FAM234A: variants seen among roughly 807,000 people sequenced by gnomAD.
The protein encoded by FAM234A is family with sequence similarity 234 member A.
In FAM234A, 42 loss-of-function variants were observed where a neutral mutation model predicts 49.1. The ratio of observed to expected loss-of-function variants is 0.86; its 90% CI spans 0.67 to 1.11. The LOEUF is 1.11. Among genes scored for constraint, FAM234A ranks in the 50% least tolerant of loss-of-function variants. FAM234A has a pLI of 0.00. For missense variants in FAM234A, 815 were observed against 745.2 expected, an observed-to-expected ratio of 1.09 and a Z score of -1.09; for synonymous variants, 369 against 316.2, an observed-to-expected ratio of 1.17 and a Z score of -1.77.
At chr16:256,306 A>G (rs1361118207) in intron 3 of FAM234A, among the ~76,000 whole-genome samples, 4 of 152,084 alleles carry the variant, frequency 2.6e-5, no homozygotes, top group Non-Finnish European at 4.4e-5. Context: ...CGACTGCACC[A>G]TTTGACTATT....
At chr16:262,344 C>T in intron 7 of FAM234A, 80 bp from the exon 8 acceptor site, 1 of 1,559,894 alleles carries the variant, frequency 6.4e-7, no homozygotes, top group Non-Finnish European at 8.7e-7. Context: ...AGGGGCCTGG[C>T]TCCATGTGGC....
chr16:244,125 C>G (rs936055076), intron 1 of FAM234A, among the ~76,000 whole-genome samples: 1 of 152,088 alleles, frequency 6.6e-6, no homozygotes, highest in Non-Finnish European at 1.5e-5. Context: ...CCCGCCACCA[C>G]GCCCGGCTAA....
At position 254,386 on chromosome 16, in the gene FAM234A, A is replaced by G; in HGVS notation, c.-28A>G. On this transcript the variant is annotated 5_prime_UTR_variant, in exon 3 of 13. Coordinates refer to ENST00000399932, the MANE Select transcript of FAM234A (RefSeq NM_032039.4). ...CTCTTGCTTTATCGACACAGTGACCAGGAGTTAAACTTTGGGATGTGCCCG... is the reference window on the plus strand; with the variant it reads ...CTCTTGCTTTATCGACACAGTGACCGGGAGTTAAACTTTGGGATGTGCCCG... 1 of 1,611,208 alleles carries G rather than the reference A, an allele frequency of 6.2e-7. No individual in the cohort carries two copies.
At chr16:255,442 C>T (rs1048666844) in intron 3 of FAM234A, among the ~76,000 whole-genome samples, 9 of 152,276 alleles carry the variant, frequency 5.9e-5, no homozygotes, top group Non-Finnish European at 1.3e-4. Flanking sequence ...GGCGTGGTGG[C>T]ATGCAGCTGT....
rs768915747 is a variant in FAM234A at position 263,304 on chromosome 16, C to T, written c.1014C>T (p.Ala338=). 67 of 1,613,170 alleles carry T rather than the reference C, an allele frequency of 4.2e-5. No homozygotes were observed. In the Middle Eastern group the frequency reaches 1.3e-3, roughly 32 times the overall value. The change falls in exon 9 of 13, where the codon GCC becomes GCT. Residue 338 remains alanine (A), a synonymous_variant. Coordinates refer to ENST00000399932, the MANE Select transcript of FAM234A (RefSeq NM_032039.4). ...ACCTGATGCATGTCCCAGGGAACGC[C>T]GGTGCAGATGTGCTTCTTGTGGGCT... is the stretch of plus-strand genomic sequence containing the variant. The part of the protein sequence containing the change: ...VRYLMHVPGN[A]GADVLLVGSE...
Position 264,902 on chromosome 16 carries a change from G to A in FAM234A, c.1539G>A (p.Lys513=). 1 of 1,613,022 alleles carries A rather than the reference G, an allele frequency of 6.2e-7. No individual in the cohort carries two copies. Among genetic ancestry groups the A allele is most frequent in the South Asian group, 1.1e-5 (1 of 91,080 alleles). ...CACCCGGCCTGGTCTCTGTGATCAA[G>A]CACAAGGTGCGGGACCTTGTCCCAA... is the stretch of plus-strand genomic sequence containing the variant. ...SEAPGLVSVI[K]HKVRDLVPSS... is the part of the protein sequence containing the mutation. Residue 513 remains lysine, a synonymous_variant, in exon 13 of 13, where the codon AAG becomes AAA. Transcript: ENST00000399932.
chr16:263,616 G>T, intron 9 of FAM234A, 84 bp from the exon 10 acceptor site: 1 of 1,310,218 alleles, frequency 7.6e-7, no homozygotes. Flanking sequence ...GGGAGACTGA[G>T]GGGCGGACGT....
chr16:256,874 C>T (rs2051254568), intron 3 of FAM234A, among the ~76,000 whole-genome samples: 1 of 151,986 alleles, frequency 6.6e-6, no homozygotes, highest in Admixed American at 6.6e-5. Flanking sequence ...TCCCGAGTAG[C>T]TGAAACTACA....
rs2051640227 is a variant in FAM234A, at chr16:264,955, G to C, written c.1592G>C (p.Gly531Ala). ...AGCAGGGTGGTCCGCCTGGGTGAGGGTGGGCCAGACAGTGACCAAGCCATC... is the reference window on the plus strand; with the variant it reads ...AGCAGGGTGGTCCGCCTGGGTGAGGCTGGGCCAGACAGTGACCAAGCCATC... Reference protein sequence around the residue: ...PSSRVVRLGEGGPDSDQAIRD... With the variant: ...PSSRVVRLGEAGPDSDQAIRD... Residue 531 changes from glycine (G) to alanine (A), a missense_variant, in exon 13 of 13, where the codon GGT becomes GCT. Transcript: ENST00000399932. 1 of 1,612,786 alleles carries C rather than the reference G, an allele frequency of 6.2e-7. No homozygotes were observed. Among genetic ancestry groups the C allele is most frequent in the South Asian group, 1.1e-5 (1 of 91,050 alleles).
chr16:243,193 G>T (rs533481477), intron 1 of FAM234A, among the ~76,000 whole-genome samples: 1 of 151,664 alleles, frequency 6.6e-6, no homozygotes, highest in Non-Finnish European at 1.5e-5. Context: ...TGCCCAGACT[G>T]GTCTCGAACA....
chr16:264,641 T>C lies in FAM234A; in HGVS notation c.1372T>C (p.Tyr458His). 1 of 1,611,614 alleles carries C rather than the reference T, an allele frequency of 6.2e-7. No homozygotes were observed. The highest frequency in any genetic ancestry group is 8.5e-7 in the Non-Finnish European group (1 of 1,179,858). The change falls in exon 12 of 13, where the codon TAC (tyrosine) becomes CAC (histidine). Residue 458 changes from tyrosine to histidine, a missense_variant. Tyr to His is a moderately conservative substitution (Grantham distance 83). Transcript: ENST00000399932. ...TETGEARHSL[Y>H]MFHPTLPRVL... ...GACCGGGGAGGCCCGGCACAGCCTG[T>C]ACATGTTCCACCCCACCCTGCCGCG...
chr16:239,475 C>G (rs563442232), intron 1 of FAM234A, among the ~76,000 whole-genome samples: 117 of 149,700 alleles, frequency 7.8e-4, no homozygotes, highest in African/African-American at 2.4e-3. Context: ...ACTAGTCGGA[C>G]GTGGTGGCGG....
In FAM234A at chr16:262,474, G is replaced by C; in HGVS notation, c.892G>C (p.Gly298Arg). The C allele has an allele frequency of 6.2e-7, 1 of 1,612,122 alleles. No individual in the cohort carries two copies. The highest frequency in any genetic ancestry group is 8.5e-7 in the Non-Finnish European group (1 of 1,179,154). ...SVKGLYEKVT[G>R]SGGPFKSDPH... ...GAAGGGTCTCTACGAGAAGGTGACC[G>C]GGAGCGGCGGCCCGTTCAAGAGTGA... The change falls in exon 8 of 13, where the codon GGG becomes CGG. Residue 298 changes from glycine (G) to arginine (R), a missense_variant. By Grantham distance (125) the Gly-to-Arg change is moderately radical. Transcript: ENST00000399932.
downstream of FAM234A, among the ~76,000 whole-genome samples, chr16:267,366 A>G (rs985022690): frequency 1.3e-5 from 2 of 152,040 alleles, no homozygotes; most frequent in African/African-American, 4.8e-5. Flanking sequence ...TGAGAGGGTC[A>G]AGTCCCTCCT....
At chr16:247,437 G>T (rs1020248438) in intron 1 of FAM234A, among the ~76,000 whole-genome samples, 3 of 151,374 alleles carry the variant, frequency 2.0e-5, no homozygotes, top group Non-Finnish European at 4.4e-5. Flanking sequence ...CCTTATTAAT[G>T]ATTTTTTTTT....
At chr16:260,841 G>A (rs1056746898) in intron 5 of FAM234A, 4 of 364,226 alleles carry the variant, frequency 1.1e-5, no homozygotes, top group Non-Finnish European at 1.7e-5. Context: ...GAGATTGTAT[G>A]TGCGTAAGGA....
rs1047866197 is a variant in FAM234A at position 265,171 on chromosome 16, T to A, written c.*149T>A. 90 of 1,427,260 alleles carry A rather than the reference T, an allele frequency of 6.3e-5. No homozygotes were observed. Among genetic ancestry groups the A allele is most frequent in the Non-Finnish European group, 7.8e-5 (85 of 1,094,400 alleles). The allele number at this position is 1,427,260 out of a possible 1,614,324, so 88.4% of individuals were successfully genotyped here. On this transcript the variant is annotated 3_prime_UTR_variant, in exon 13 of 13. Transcript: ENST00000399932. ...TGGGCAGCAGCAGCCTTACCAGTCC[T>A]CCATGATCACACCCAGGGACCTGCA... is the stretch of plus-strand genomic sequence containing the variant.
chr16:261,290 C>T, intron 5 of FAM234A, 94 bp from the exon 6 acceptor site: 1 of 1,469,756 alleles, frequency 6.8e-7, no homozygotes, highest in South Asian at 1.2e-5. Flanking sequence ...GGTGATGCCT[C>T]AACAGGAGCC....
chr16:245,946 C>T (rs995446062), intron 1 of FAM234A, among the ~76,000 whole-genome samples: 1 of 152,056 alleles, frequency 6.6e-6, no homozygotes, highest in Non-Finnish European at 1.5e-5. Flanking sequence ...GTGGCTCACG[C>T]CTGTAATCCC....
Sources: allele counts gnomAD v4.1 joint callset (sites outside exome capture counted in the v4.1 genomes callset), GRCh38; gene constraint gnomAD v4.1.1; transcripts MANE v1.5; gene names NCBI Gene and HGNC (gene_info 2026-07-23, HGNC 2026-07-21).